LRRTM4: variants seen among roughly 807,000 people sequenced by gnomAD.
LRRTM4 encodes the protein leucine-rich repeat transmembrane neuronal protein 4.
Under a neutral mutation model 47.6 loss-of-function variants are expected in LRRTM4, and 25 were observed. The observed-to-expected ratio is 0.53, with a 90% confidence interval of 0.38 to 0.73. LRRTM4 has a LOEUF of 0.73. Among genes scored for constraint, LRRTM4 ranks in the 30% least tolerant of loss-of-function variants. The probability of loss-of-function intolerance (pLI) is 0.00; values close to 1 mark genes in which losing one functional copy is unlikely to be tolerated. For missense variants in LRRTM4, 638 were observed against 713.4 expected (o/e 0.89, Z 1.20); for synonymous variants, 311 against 269.5 (o/e 1.15, Z -1.51).
At chr2:77,300,683 T>G (rs930709805) in intron 3 of LRRTM4, among the ~76,000 whole-genome samples, 3 of 152,224 alleles carry the variant, frequency 2.0e-5, no homozygotes, top group Admixed American at 6.5e-5. Flanking sequence ...AATTACTACT[T>G]CTTGGAAAAG....
rs1474882223 is a variant in LRRTM4 at position 76,866,273 on chromosome 2, G to C, written c.1552-117357C>G. ...TCTATATGCACTTTCACTGGGGAAC[G>C]ATCTCAGTTTCCATCATCCTTCTCT... On this transcript the variant is annotated intron_variant, in intron 3 of 3. Coordinates refer to ENST00000409884, the MANE Select transcript of LRRTM4 (RefSeq NM_001134745.3). 2.6e-5 allele frequency among the ~76,000 whole-genome samples: 4 copies of C among 152,282 alleles called. No homozygotes were observed. The East Asian group carries it at 7.7e-4, about 29-fold the overall frequency.
chr2:77,244,629 C>T (rs1675378995), intron 3 of LRRTM4, among the ~76,000 whole-genome samples: 1 of 152,134 alleles, frequency 6.6e-6, no homozygotes, highest in African/African-American at 2.4e-5. Flanking sequence ...TCACCTCCCC[C>T]ATGAGTGTAG....
chr2:77,427,088 C>T (rs1291303122), intron 3 of LRRTM4, among the ~76,000 whole-genome samples: 1 of 151,558 alleles, frequency 6.6e-6, no homozygotes, highest in Non-Finnish European at 1.5e-5. Flanking sequence ...AAGTGATTCT[C>T]CTGCCCCAGC....
intron 3 of LRRTM4, among the ~76,000 whole-genome samples, chr2:77,224,394 A>AAAAGAAACTACCAT (rs1227199175): frequency 8.5e-5 from 13 of 152,230 alleles, no homozygotes; most frequent in Non-Finnish European, 1.6e-4. Context: ...TCTGCACAGC[A>AAAAGAAACTACCAT]AAAGAAACTA....
chr2:77,041,426 A>G (rs1181509895), intron 3 of LRRTM4, among the ~76,000 whole-genome samples: 2 of 151,580 alleles, frequency 1.3e-5, no homozygotes, highest in African/African-American at 2.4e-5. Context: ...TCCTTTGGAC[A>G]TATACCTACT....
chr2:77,496,613 C>T (rs1678373513), intron 3 of LRRTM4, among the ~76,000 whole-genome samples: 1 of 151,710 alleles, frequency 6.6e-6, no homozygotes, highest in South Asian at 2.1e-4. Flanking sequence ...GTTACATTGA[C>T]TAATATTTGG....
chr2:76,921,109 T>G (rs1365688911), intron 3 of LRRTM4, among the ~76,000 whole-genome samples: 1 of 152,118 alleles, frequency 6.6e-6, no homozygotes, highest in African/African-American at 2.4e-5. Flanking sequence ...TGTTTCTTTC[T>G]GCGGATTCTA....
intron 3 of LRRTM4, among the ~76,000 whole-genome samples, chr2:77,156,249 C>T (rs983456784): frequency 1.4e-5 from 2 of 144,188 alleles, no homozygotes; most frequent in Admixed American, 1.4e-4. Flanking sequence ...TATGAAATAA[C>T]AGAATAAAAG....
At chr2:77,141,493 G>C (rs1046289159) in intron 3 of LRRTM4, among the ~76,000 whole-genome samples, 21 of 145,998 alleles carry the variant, frequency 1.4e-4, no homozygotes, top group Non-Finnish European at 1.5e-4. Flanking sequence ...AGGGTGGAGG[G>C]ATAGCATTAG....
At chr2:76,858,999 G>A (rs1385417198) in intron 3 of LRRTM4, among the ~76,000 whole-genome samples, 1 of 152,066 alleles carries the variant, frequency 6.6e-6, no homozygotes, top group Non-Finnish European at 1.5e-5. Flanking sequence ...TTTTCTCAGG[G>A]GAAAGGCTAC....
At chr2:77,409,151 T>G (rs767348596) in intron 3 of LRRTM4, among the ~76,000 whole-genome samples, 1 of 152,318 alleles carries the variant, frequency 6.6e-6, no homozygotes, top group South Asian at 2.1e-4. Context: ...GGATTAATAT[T>G]ATAACTAAAT....
chr2:77,357,093 A>T (rs963492970), intron 3 of LRRTM4, among the ~76,000 whole-genome samples: 3 of 152,188 alleles, frequency 2.0e-5, no homozygotes, highest in African/African-American at 7.2e-5. Context: ...CTCAAACCAG[A>T]TTAAATTATG....
chr2:76,948,402 A>C (rs1189536743), intron 3 of LRRTM4, among the ~76,000 whole-genome samples: 1 of 151,808 alleles, frequency 6.6e-6, no homozygotes, highest in African/African-American at 2.4e-5. Context: ...CTTTCATTGA[A>C]ATGTGTTGGG....
intron 3 of LRRTM4, among the ~76,000 whole-genome samples, chr2:76,999,519 T>G (rs1677336272): frequency 6.6e-6 from 1 of 151,974 alleles, no homozygotes; most frequent in Non-Finnish European, 1.5e-5. Context: ...TCTCTCAATT[T>G]TTAAAAATCA....
chr2:77,193,736 C>G (rs1558627651), intron 3 of LRRTM4, among the ~76,000 whole-genome samples: 1 of 152,066 alleles, frequency 6.6e-6, no homozygotes. Context: ...AGGAGGCGGG[C>G]ATTGCACTCC....
chr2:76,962,030 G>C (rs192205721), intron 3 of LRRTM4, among the ~76,000 whole-genome samples: 1 of 151,300 alleles, frequency 6.6e-6, no homozygotes, highest in East Asian at 2.0e-4. Context: ...GAGATAACCA[G>C]AGCATGCTTC....
chr2:76,799,673 C>A lies in LRRTM4; in HGVS notation c.1552-50757G>T, dbSNP rs941591253. Among the ~76,000 whole-genome samples the A allele has an allele frequency of 1.5e-3, 195 of 130,804 alleles. 2 individuals carry two copies. Among genetic ancestry groups the A allele is most frequent in the African/African-American group, 5.5e-3 (179 of 32,372 alleles). 85.8% of individuals were successfully genotyped at this position (130,804 alleles called of 152,430 possible). ...GAGGAAGTCAAATTGTCCCTGTTTG[C>A]GGATGACATGATTGTATATCTAGAA... On this transcript the variant is annotated intron_variant, in intron 3 of 3. Coordinates refer to ENST00000409884, the MANE Select transcript of LRRTM4 (RefSeq NM_001134745.3).
chr2:76,772,574 AT>A (rs560460182), intron 3 of LRRTM4, among the ~76,000 whole-genome samples: 1 of 151,804 alleles, frequency 6.6e-6, no homozygotes. Flanking sequence ...TTGGACAGAT[AT>A]TTTTTTTGGC....
chr2:77,117,084 G>A (rs1315719402), intron 3 of LRRTM4, among the ~76,000 whole-genome samples: 7 of 151,960 alleles, frequency 4.6e-5, no homozygotes, highest in Admixed American at 2.0e-4. Context: ...CTTTCACTGA[G>A]CATGATAGTT....
Sources: gnomAD v4.1 joint callset for allele counts (sites outside exome capture counted in the v4.1 genomes callset) on GRCh38, gnomAD v4.1.1 for gene constraint, MANE v1.5 for transcripts, NCBI Gene and HGNC (gene_info 2026-07-23, HGNC 2026-07-21) for gene names.